Variants in TMEM132B observed in about 807,000 individuals in gnomAD.
TMEM132B encodes the protein transmembrane protein 132B.
In TMEM132B, 18 loss-of-function variants were observed where a neutral mutation model predicts 90.8. The observed-to-expected ratio is 0.20, with a 90% CI of 0.14 to 0.29. The LOEUF is 0.29. Ranked by LOEUF, TMEM132B falls within the 10% of genes least tolerant of loss-of-function variation. TMEM132B has a pLI of 1.00. For synonymous variants in TMEM132B, 504 were observed against 523.3 expected (o/e 0.96, Z 0.50); for missense variants, 1,096 against 1,326.8 (o/e 0.83, Z 2.70).
intron 3 of TMEM132B, among the ~76,000 whole-genome samples, chr12:125,494,604 A>G (rs1882477715): frequency 8.6e-6 from 1 of 116,296 alleles, no homozygotes; most frequent in Non-Finnish European, 1.7e-5. Context: ...CTCCCTGAAA[A>G]TGGCCGCGTC....
intron 3 of TMEM132B, among the ~76,000 whole-genome samples, chr12:125,428,918 G>A (rs1460171892): frequency 1.3e-5 from 2 of 152,092 alleles, no homozygotes; most frequent in Non-Finnish European, 2.9e-5. Flanking sequence ...TTTGCAGAAG[G>A]GGTGTGCGGT....
chr12:125,487,162 A>T (rs775177420), intron 3 of TMEM132B, among the ~76,000 whole-genome samples: 7 of 152,200 alleles, frequency 4.6e-5, no homozygotes, highest in Non-Finnish European at 1.0e-4. Context: ...TTTGTTTATT[A>T]TAACAGGTAC....
At chr12:125,587,919 A>G (rs1885217837) in intron 5 of TMEM132B, 1 of 152,198 alleles carries the variant, frequency 6.6e-6, no homozygotes, top group Non-Finnish European at 1.5e-5. Flanking sequence ...AAATGATTGA[A>G]GGAAGTGTGA....
intron 5 of TMEM132B, chr12:125,585,426 G>A (rs1885157356): frequency 6.6e-6 from 1 of 152,180 alleles, no homozygotes; most frequent in African/African-American, 2.4e-5. Flanking sequence ...ACTGCTGTTG[G>A]TTGCTATTGA....
At position 125,209,030 on chromosome 12, in the gene TMEM132B, G is replaced by C. The variant is rs866378627; in HGVS notation, c.67+22164G>C. On this transcript the variant is annotated intron_variant, in intron 1 of 8. Coordinates refer to ENST00000682704, the MANE Select transcript of TMEM132B (RefSeq NM_001366854.1). This position sits in a 1 kb window ranked among gnomAD's most constrained non-coding sequence, Gnocchi z 4.4. ...GGCCACTCGAATGTCAACTGAGCCC[G>C]GGGTTATTGATTTACAGGAGGCAGA... Among the ~76,000 whole-genome samples, 7 of 152,164 alleles carry C rather than the reference G, an allele frequency of 4.6e-5. No individual in the cohort carries two copies. Among genetic ancestry groups the C allele is most frequent in the Non-Finnish European group, 8.8e-5 (6 of 68,024 alleles).
intron 3 of TMEM132B, among the ~76,000 whole-genome samples, chr12:125,432,347 G>T (rs1468908644): frequency 8.8e-6 from 1 of 113,640 alleles, no homozygotes; most frequent in African/African-American, 3.1e-5. Flanking sequence ...AATAGTGAAT[G>T]GGCCAAGGGA....
chr12:125,331,206 C>T (rs546990805), intron 1 of TMEM132B, among the ~76,000 whole-genome samples: 4 of 152,354 alleles, frequency 2.6e-5, no homozygotes, highest in South Asian at 4.1e-4. Flanking sequence ...TCCGGGCTCC[C>T]GGGTCGGTCC....
chr12:125,555,284 T>C (rs75919465), intron 4 of TMEM132B, among the ~76,000 whole-genome samples: 2,954 of 152,080 alleles, frequency 0.019, 40 homozygotes, highest in Non-Finnish European at 0.032. Flanking sequence ...TTTAAATAGG[T>C]ATATTTTATT....
At chr12:125,303,186 C>CT (rs1468492728) in intron 1 of TMEM132B, among the ~76,000 whole-genome samples, 1 of 152,078 alleles carries the variant, frequency 6.6e-6, no homozygotes, top group Non-Finnish European at 1.5e-5. Context: ...CTCAAATCTA[C>CT]TTTTTGTCTC....
chr12:125,242,696 T>C (rs755198453), intron 1 of TMEM132B, among the ~76,000 whole-genome samples: 4 of 152,254 alleles, frequency 2.6e-5, no homozygotes, highest in Non-Finnish European at 4.4e-5. Context: ...GTTCGGAGCC[T>C]GAGCCTGCAG....
At chr12:125,220,372 G>A (rs1040285531) in intron 1 of TMEM132B, among the ~76,000 whole-genome samples, 2 of 152,208 alleles carry the variant, frequency 1.3e-5, no homozygotes, top group African/African-American at 2.4e-5. Context: ...CTGGAGACAC[G>A]TAACAAAGTC....
chr12:125,623,428 G>C (rs1391057535), intron 5 of TMEM132B, among the ~76,000 whole-genome samples: 1 of 152,050 alleles, frequency 6.6e-6, no homozygotes, highest in Non-Finnish European at 1.5e-5. Flanking sequence ...TTCTCCTTGG[G>C]TAAGAATATT....
chr12:125,314,278 G>C (rs1056643191), intron 1 of TMEM132B, among the ~76,000 whole-genome samples: 15 of 152,188 alleles, frequency 9.9e-5, no homozygotes, highest in Admixed American at 9.8e-4. Context: ...TCACCTTCTT[G>C]GAATGTGGAG....
intron 1 of TMEM132B, among the ~76,000 whole-genome samples, chr12:125,229,170 C>T (rs552585772): frequency 1.1e-4 from 17 of 152,304 alleles, no homozygotes; most frequent in Middle Eastern, 6.8e-3. Context: ...TAACGCATGT[C>T]CTTATGGCTT....
intron 3 of TMEM132B, among the ~76,000 whole-genome samples, chr12:125,424,945 T>C (rs935581873): frequency 1.3e-5 from 2 of 152,140 alleles, no homozygotes; most frequent in African/African-American, 4.8e-5. Flanking sequence ...GGATTCTTGC[T>C]GAAGGCAGCC....
At chr12:125,190,619 AGTGATGGTGATGGTGATG>A (rs1248965492) in intron 1 of TMEM132B, among the ~76,000 whole-genome samples, 2 of 55,514 alleles carry the variant, frequency 3.6e-5, no homozygotes, top group African/African-American at 7.7e-5. Context: ...TGATGGTGAT[AGTGATGGTGATGGTGATG>A]GGGAAGGGGT....
chr12:125,564,095 G>A (rs536041867), intron 4 of TMEM132B, among the ~76,000 whole-genome samples: 1 of 152,300 alleles, frequency 6.6e-6, no homozygotes, highest in Non-Finnish European at 1.5e-5. Context: ...GAAAGGGTAC[G>A]GCTAGATTTG....
intron 4 of TMEM132B, among the ~76,000 whole-genome samples, chr12:125,527,018 C>T (rs551474727): frequency 1.3e-5 from 2 of 150,772 alleles, no homozygotes; most frequent in African/African-American, 2.4e-5. Flanking sequence ...ACCCTTCCAT[C>T]CACCCATCCA....
chr12:125,584,383 A>G (rs1356567153), intron 5 of TMEM132B: 1 of 187,962 alleles, frequency 5.3e-6, no homozygotes, highest in African/African-American at 2.4e-5. Flanking sequence ...TTATTTACTC[A>G]ATATATTTTC....
Sources: gnomAD v4.1 joint callset for allele counts (sites outside exome capture counted in the v4.1 genomes callset) on GRCh38, gnomAD v4.1.1 for gene constraint, Gnocchi (gnomAD v3.1) non-coding constraint, MANE v1.5 for transcripts, NCBI Gene and HGNC (gene_info 2026-07-23, HGNC 2026-07-21) for gene names.